LRRC49: variants seen among roughly 807,000 people sequenced by gnomAD.
LRRC49 encodes the protein leucine-rich repeat-containing protein 49.
Under a neutral mutation model 83.3 loss-of-function variants are expected in LRRC49, and 50 were observed. The ratio of observed to expected loss-of-function variants is 0.60; its 90% CI spans 0.48 to 0.76. LRRC49 has a LOEUF of 0.76. Ranked by LOEUF, LRRC49 falls within the 30% of genes least tolerant of loss-of-function variation. The pLI is 0.00. For synonymous variants in LRRC49, 286 were observed against 283.3 expected, an observed-to-expected ratio of 1.01 and a Z score of -0.10; for missense variants, 704 against 809.1, an observed-to-expected ratio of 0.87 and a Z score of 1.58.
chr15:70,858,774 G>C, intron 1 of LRRC49: 1 of 1,098,126 alleles, frequency 9.1e-7, no homozygotes, highest in South Asian at 1.4e-5. Flanking sequence ...CGGGCCTTCA[G>C]CAGCTGCTCC....
intron 6 of LRRC49, among the ~76,000 whole-genome samples, chr15:70,914,757 C>G (rs895337905): frequency 5.9e-5 from 9 of 152,164 alleles, no homozygotes; most frequent in Non-Finnish European, 2.9e-5. Context: ...AGATGTGCTT[C>G]AAGAAGAATC....
At chr15:70,973,630 A>G (rs2037096353) in intron 9 of LRRC49, among the ~76,000 whole-genome samples, 1 of 152,110 alleles carries the variant, frequency 6.6e-6, no homozygotes, top group Non-Finnish European at 1.5e-5. Context: ...TGGGAGTTTT[A>G]TCTATAAGCT....
intron 8 of LRRC49, among the ~76,000 whole-genome samples, chr15:70,941,773 A>G (rs902498395): frequency 6.7e-6 from 1 of 149,612 alleles, no homozygotes; most frequent in Non-Finnish European, 1.5e-5. Context: ...TATTTATAAC[A>G]TTATAAAGTG....
intron 7 of LRRC49, among the ~76,000 whole-genome samples, chr15:70,934,037 T>C (rs1441178226): frequency 2.6e-5 from 4 of 152,186 alleles, no homozygotes; most frequent in African/African-American, 7.2e-5. Flanking sequence ...TCCTGTCCCC[T>C]GTCTAATGAA....
At chr15:70,998,910 AT>A (rs1336151599) in intron 11 of LRRC49, among the ~76,000 whole-genome samples, 2 of 152,070 alleles carry the variant, frequency 1.3e-5, no homozygotes, top group Non-Finnish European at 2.9e-5. Context: ...AGACTACATA[AT>A]TTAATTGACC....
At chr15:70,893,528 G>A in intron 1 of LRRC49, 56 bp from the exon 2 acceptor site, 2 of 1,008,686 alleles carry the variant, frequency 2.0e-6, no homozygotes, top group South Asian at 2.9e-5. Flanking sequence ...TTTTTTTTTG[G>A]AAATATGTGT....
At chr15:70,908,237 T>A (rs2034401032) in intron 5 of LRRC49, among the ~76,000 whole-genome samples, 1 of 152,228 alleles carries the variant, frequency 6.6e-6, no homozygotes, top group African/African-American at 2.4e-5. Context: ...TCTTGCCTGC[T>A]GCACAGAAAA....
At chr15:70,990,492 ACAGTATTGGGGTGGGAGTGAC>A (rs2037830412) in intron 11 of LRRC49, among the ~76,000 whole-genome samples, 1 of 152,196 alleles carries the variant, frequency 6.6e-6, no homozygotes, top group Admixed American at 6.5e-5. Context: ...TCGGAAAAGC[ACAGTATTGGGGTGGGAGTGAC>A]CCAATTTTCC....
chr15:70,897,952 C>T (rs751186774), intron 3 of LRRC49, among the ~76,000 whole-genome samples: 4 of 152,114 alleles, frequency 2.6e-5, no homozygotes, highest in Non-Finnish European at 5.9e-5. Flanking sequence ...AGGGAAGAGG[C>T]AATACTTTGC....
chr15:70,853,981 C>G, intron 1 of LRRC49: 2 of 1,462,394 alleles, frequency 1.4e-6, no homozygotes, highest in Non-Finnish European at 1.8e-6. Context: ...TCTCCGCCCC[C>G]TCCTCCTCGT....
At chr15:70,868,747 G>A (rs779205176) in intron 1 of LRRC49, among the ~76,000 whole-genome samples, 1 of 152,190 alleles carries the variant, frequency 6.6e-6, no homozygotes, top group Non-Finnish European at 1.5e-5. Context: ...TACAGGAGAG[G>A]CAAAAACTAT....
intron 1 of LRRC49, among the ~76,000 whole-genome samples, chr15:70,863,001 C>T (rs2032829149): frequency 6.6e-6 from 1 of 152,170 alleles, no homozygotes; most frequent in Non-Finnish European, 1.5e-5. Context: ...AAATGACTGC[C>T]TAAACTCTGC....
At chr15:70,971,351 G>C (rs1596081688) in intron 9 of LRRC49, among the ~76,000 whole-genome samples, 1 of 152,142 alleles carries the variant, frequency 6.6e-6, no homozygotes, top group Non-Finnish European at 1.5e-5. Flanking sequence ...GAGACTGTTT[G>C]TTGTGATTTC....
intron 11 of LRRC49, among the ~76,000 whole-genome samples, chr15:70,988,883 C>A (rs1370593599): frequency 6.6e-6 from 1 of 152,062 alleles, no homozygotes; most frequent in Non-Finnish European, 1.5e-5. Flanking sequence ...TTTTATTTCT[C>A]CTTCACTTAT....
chr15:70,977,292 A>G (rs756626088), intron 9 of LRRC49, among the ~76,000 whole-genome samples: 6 of 152,186 alleles, frequency 3.9e-5, no homozygotes, highest in Non-Finnish European at 5.9e-5. Flanking sequence ...AAAGTTCTGC[A>G]TTTTTAATTT....
At chr15:70,978,038 A>G (rs148742982) in intron 9 of LRRC49, among the ~76,000 whole-genome samples, 238 of 152,192 alleles carry the variant, frequency 1.6e-3, no homozygotes, top group African/African-American at 5.3e-3. Context: ...ATTTTTAAAT[A>G]TAATTATTTA....
intron 7 of LRRC49, among the ~76,000 whole-genome samples, chr15:70,926,985 C>T (rs1242203542): frequency 6.6e-6 from 1 of 152,130 alleles, no homozygotes. Context: ...TGAAAAAATG[C>T]TTATCATCAC....
chr15:70,888,308 T>C (rs1457845956), upstream of LRRC49, among the ~76,000 whole-genome samples: 2 of 152,208 alleles, frequency 1.3e-5, no homozygotes, highest in African/African-American at 4.8e-5. Flanking sequence ...TGTGATACTT[T>C]TGCTTAGGCA....
At chr15:70,894,668 A>T (rs1465348444) in intron 2 of LRRC49, 2 of 1,265,032 alleles carry the variant, frequency 1.6e-6, no homozygotes, top group Non-Finnish European at 1.0e-6. Context: ...ATCACAATTC[A>T]GGTGTGTCCT....
Sources: allele counts gnomAD v4.1 joint callset (sites outside exome capture counted in the v4.1 genomes callset), GRCh38; gene constraint gnomAD v4.1.1; transcripts MANE v1.5; gene names NCBI Gene and HGNC (gene_info 2026-07-23, HGNC 2026-07-21).